The following ARID3B variants were observed in gnomAD, a reference collection of about 807,000 sequenced individuals.
The protein encoded by ARID3B is AT-rich interactive domain-containing protein 3B.
Under a neutral mutation model 51.9 loss-of-function variants are expected in ARID3B, and 10 were observed. That is an observed-to-expected ratio of 0.19 (90% CI 0.12 to 0.33). The LOEUF (loss-of-function observed/expected upper bound fraction) is 0.33, where lower values mean the gene tolerates loss of function less well. Among genes scored for constraint, ARID3B ranks in the 10% least tolerant of loss-of-function variants. The probability of loss-of-function intolerance (pLI) is 1.00; values close to 1 mark genes in which losing one functional copy is unlikely to be tolerated. For synonymous variants in ARID3B, 205 were observed against 279.5 expected (o/e 0.73, Z 2.66); for missense variants, 483 against 716.3 (o/e 0.67, Z 3.72).
rs2061803160 is a variant in ARID3B, at chr15:74,591,515, CA to C, written c.1166-43del. 3 of 1,595,376 alleles carry C rather than the reference CA, an allele frequency of 1.9e-6. No individual in the cohort carries two copies. Among genetic ancestry groups the C allele is most frequent in the Non-Finnish European group, 1.7e-6 (2 of 1,166,894 alleles). On this transcript the variant is annotated intron_variant, in intron 6 of 8. Transcript: ENST00000346246. This position sits in a 1 kb window ranked among gnomAD's most constrained non-coding sequence, Gnocchi z 5.8. Reference sequence around the variant, plus strand: ...TGTGTTCAAGACTGGGGTTTTGGGGCAAGAGGGTCAATTGTGGATTGGTCCA... The same window carrying C: ...TGTGTTCAAGACTGGGGTTTTGGGGCAGAGGGTCAATTGTGGATTGGTCCA...
chr15:74,573,266 C>A, intron 4 of ARID3B, 62 bp downstream of exon 4: 3 of 1,518,574 alleles, frequency 2.0e-6, no homozygotes, highest in Non-Finnish European at 2.7e-6. Flanking sequence ...CTACTGTGTG[C>A]TAGTCACTGT....
chr15:74,546,569 C>G (rs2061616669), intron 2 of ARID3B, among the ~76,000 whole-genome samples: 1 of 152,194 alleles, frequency 6.6e-6, no homozygotes, highest in South Asian at 2.1e-4. Flanking sequence ...GCAGGGCACC[C>G]AGCATCATGT....
intron 2 of ARID3B, among the ~76,000 whole-genome samples, chr15:74,547,942 A>T (rs775454785): frequency 6.6e-6 from 1 of 152,236 alleles, no homozygotes; most frequent in Non-Finnish European, 1.5e-5. Context: ...GAAATCCCTT[A>T]CTTAGAACAT....
intron 8 of ARID3B, among the ~76,000 whole-genome samples, 157 bp from the exon 9 acceptor site, chr15:74,595,454 G>A (rs2061820869): frequency 6.6e-6 from 1 of 152,206 alleles, no homozygotes. Flanking sequence ...GCACTTCAAG[G>A]CAGGACAGCA....
chr15:74,563,960 C>T (rs749647909), intron 2 of ARID3B, among the ~76,000 whole-genome samples: 40 of 152,182 alleles, frequency 2.6e-4, no homozygotes, highest in Non-Finnish European at 4.3e-4. Flanking sequence ...CTGCTCTGCC[C>T]GCTTTCTACA....
chr15:74,593,532 A>G (rs964909703), intron 8 of ARID3B, among the ~76,000 whole-genome samples: 1 of 152,198 alleles, frequency 6.6e-6, no homozygotes, highest in Admixed American at 6.5e-5. Flanking sequence ...AGGTCTTCTC[A>G]TGCACAGCCT....
At position 74,597,039 on chromosome 15, in the gene ARID3B, C is replaced by T; in HGVS notation, c.*1265C>T. On this transcript the variant is annotated 3_prime_UTR_variant, in exon 9 of 9. Coordinates refer to ENST00000346246, the MANE Select transcript of ARID3B (RefSeq NM_006465.4). ...CTGTACCAGTTCTGAAGACCGTTTTCTGCCACACCCCCACCCCCAGCTGAC... is the reference window on the plus strand; with the variant it reads ...CTGTACCAGTTCTGAAGACCGTTTTTTGCCACACCCCCACCCCCAGCTGAC... 4.2e-6 allele frequency: 1 copy of T among 236,018 alleles called. No homozygotes were observed. Among genetic ancestry groups the T allele is most frequent in the South Asian group, 1.7e-4 (1 of 5,966 alleles). The allele number at this position is 236,018 out of a possible 1,614,324, so 14.6% of individuals were successfully genotyped here.
chr15:74,564,784 T>TA, intron 2 of ARID3B, among the ~76,000 whole-genome samples: 1 of 151,666 alleles, frequency 6.6e-6, no homozygotes, highest in East Asian at 2.0e-4. Flanking sequence ...AATTTTTTGG[T>TA]AGAGATGGGG....
intron 2 of ARID3B, among the ~76,000 whole-genome samples, chr15:74,551,101 A>C (rs1472217993): frequency 6.6e-6 from 1 of 152,132 alleles, no homozygotes; most frequent in Non-Finnish European, 1.5e-5. Context: ...CATCTCGTAA[A>C]TTTTGTCTTT....
intron 2 of ARID3B, among the ~76,000 whole-genome samples, chr15:74,569,336 C>T (rs957580685): frequency 6.6e-6 from 1 of 151,998 alleles, no homozygotes; most frequent in African/African-American, 2.4e-5. Context: ...GGTGCTCCCT[C>T]TTCATTATTA....
At chr15:74,552,947 C>G (rs1230160058) in intron 2 of ARID3B, among the ~76,000 whole-genome samples, 1 of 152,140 alleles carries the variant, frequency 6.6e-6, no homozygotes, top group East Asian at 1.9e-4. Flanking sequence ...TGGGTAAATA[C>G]CAAGAAGCGT....
At chr15:74,578,227 G>A (rs916738444) in intron 4 of ARID3B, among the ~76,000 whole-genome samples, 4 of 150,366 alleles carry the variant, frequency 2.7e-5, no homozygotes, top group African/African-American at 9.9e-5. Flanking sequence ...AGGCTGGAGT[G>A]TAGTGGCACC....
chr15:74,560,567 A>G lies in ARID3B; in HGVS notation c.553-12295A>G, dbSNP rs566167307. ...ATTTATTTAAAATCACATAAGCGGT[A>G]TGAATAGGTGCTCATGAAAATTAAA... On this transcript the variant is annotated intron_variant, in intron 2 of 8. Coordinates refer to ENST00000346246, the MANE Select transcript of ARID3B (RefSeq NM_006465.4). Among the ~76,000 whole-genome samples, 124 of 152,328 alleles carry G rather than the reference A, an allele frequency of 8.1e-4. 1 individual carries two copies. Among genetic ancestry groups the G allele is most frequent in the Admixed American group, 1.6e-3 (25 of 15,304 alleles).
chr15:74,578,384 A>G (rs1335214911), intron 4 of ARID3B, among the ~76,000 whole-genome samples: 2 of 152,070 alleles, frequency 1.3e-5, no homozygotes, highest in Non-Finnish European at 2.9e-5. Flanking sequence ...CATGTTGGCC[A>G]GGCTGGTTTT....
rs2061821933 is a variant in ARID3B at position 74,595,643 on chromosome 15, C to G, written c.1552C>G (p.Leu518Val). 2 of 1,613,104 alleles carry G rather than the reference C, an allele frequency of 1.2e-6. No homozygotes were observed. The highest frequency in any genetic ancestry group is 1.7e-6 in the Non-Finnish European group (2 of 1,179,434). ...GTTTGCCCAGAAGCCTGTGGTCCAC[C>G]TCATCACGGGGTCTGCTCCCCAGAG... Reference protein sequence around the residue: ...VLFAQKPVVHLITGSAPQSLG... With the variant: ...VLFAQKPVVHVITGSAPQSLG... The change falls in exon 9 of 9, where the codon CTC (leucine) becomes GTC (valine). Residue 518 changes from leucine (L) to valine (V), a missense_variant. By Grantham distance (32) the Leu-to-Val change is conservative (BLOSUM62 1). Coordinates refer to ENST00000346246, the MANE Select transcript of ARID3B (RefSeq NM_006465.4).
chr15:74,572,794 C>T (rs2061723671), intron 2 of ARID3B, 68 bp from the exon 3 acceptor site: 5 of 1,470,144 alleles, frequency 3.4e-6, no homozygotes, highest in Non-Finnish European at 4.8e-6. Flanking sequence ...TAAATGATTG[C>T]CTTGCCCTCT....
At chr15:74,579,106 C>T (rs757629604) in intron 4 of ARID3B, among the ~76,000 whole-genome samples, 9 of 152,222 alleles carry the variant, frequency 5.9e-5, no homozygotes, top group Non-Finnish European at 8.8e-5. Flanking sequence ...ATGACCGCAG[C>T]TGCAGGTGAT....
intron 7 of ARID3B, among the ~76,000 whole-genome samples, chr15:74,592,707 C>T (rs145770139): frequency 8.2e-4 from 125 of 152,306 alleles, no homozygotes; most frequent in African/African-American, 2.8e-3. Flanking sequence ...GGGCTGAGGG[C>T]GTAGACTCCT....
At chr15:74,564,172 A>G (rs1396313615) in intron 2 of ARID3B, among the ~76,000 whole-genome samples, 1 of 152,232 alleles carries the variant, frequency 6.6e-6, no homozygotes, top group African/African-American at 2.4e-5. Flanking sequence ...GATCTTATCA[A>G]GAGGGTTTTG....
Sources: allele counts gnomAD v4.1 joint callset (sites outside exome capture counted in the v4.1 genomes callset), GRCh38; gene constraint gnomAD v4.1.1; non-coding constraint Gnocchi (gnomAD v3.1); transcripts MANE v1.5; gene names NCBI Gene and HGNC (gene_info 2026-07-23, HGNC 2026-07-21).